Variants in LINC00632 observed in about 807,000 individuals in gnomAD.
The protein encoded by LINC00632 is long independently transcribed non-coding RNA 632.
At chrX:140,775,396 T>C (rs1328931915) in exon 5 of LINC00632, among the ~76,000 whole-genome samples, 1 of 112,469 alleles carries the variant, frequency 8.9e-6, no homozygotes, top group African/African-American at 3.2e-5. Flanking sequence ...AAGCCAGAGA[T>C]ACGACGCTGT....
chrX:140,765,128 C>T (rs772082512), intron 3 of LINC00632, among the ~76,000 whole-genome samples: 30 of 112,002 alleles, frequency 2.7e-4, no homozygotes, highest in Non-Finnish European at 5.5e-4. Context: ...AACGACTTAG[C>T]CTCACTTGCC....
intron 3 of LINC00632, among the ~76,000 whole-genome samples, chrX:140,756,493 A>G (rs952208604): frequency 4.5e-5 from 5 of 111,476 alleles, no homozygotes; most frequent in African/African-American, 1.6e-4. Context: ...TAGAAGCTCT[A>G]TGGAATAGGG....
chrX:140,713,604 A>G (rs1242855532), intron 2 of LINC00632: 1 of 342,829 alleles, frequency 2.9e-6, no homozygotes, highest in South Asian at 2.6e-5. Context: ...GATAACACAA[A>G]CACATTTACC....
chrX:140,748,285 A>G (rs1203964435), intron 3 of LINC00632, among the ~76,000 whole-genome samples: 1 of 112,513 alleles, frequency 8.9e-6, no homozygotes, highest in East Asian at 2.8e-4. Flanking sequence ...TTTTGTTTTA[A>G]TGAAAGTTTG....
At chrX:140,766,524 C>G (rs1482403420) in intron 3 of LINC00632, among the ~76,000 whole-genome samples, 1 of 111,527 alleles carries the variant, frequency 9.0e-6, no homozygotes, top group Non-Finnish European at 1.9e-5. Flanking sequence ...GGCTTTTGCT[C>G]ATAGGGATGA....
At chrX:140,771,762 C>G (rs1236813210) in intron 3 of LINC00632, among the ~76,000 whole-genome samples, 12 of 101,866 alleles carry the variant, frequency 1.2e-4, no homozygotes, top group Admixed American at 5.4e-4. Flanking sequence ...TCACTGCAAC[C>G]TCTGCCCCCT....
At chrX:140,780,845 C>T (rs1260407467) in exon 5 of LINC00632, among the ~76,000 whole-genome samples, 13 of 111,069 alleles carry the variant, frequency 1.2e-4, no homozygotes, top group Non-Finnish European at 2.3e-4. Context: ...AACGTCACTG[C>T]CTTAATTCTA....
intron 3 of LINC00632, among the ~76,000 whole-genome samples, chrX:140,734,250 C>T (rs1398059653): frequency 1.8e-5 from 2 of 111,890 alleles, no homozygotes; most frequent in Admixed American, 1.9e-4. Context: ...GGAAAATGGT[C>T]TACTCCATCA....
chrX:140,744,331 A>G (rs1335452900), intron 3 of LINC00632, among the ~76,000 whole-genome samples: 1 of 110,296 alleles, frequency 9.1e-6, no homozygotes, highest in Non-Finnish European at 1.9e-5. Context: ...GAGCTTGAGC[A>G]TTACTTCTAA....
chrX:140,710,475 T>C (rs989320665), intron 1 of LINC00632, among the ~76,000 whole-genome samples: 1 of 111,116 alleles, frequency 9.0e-6, no homozygotes, highest in African/African-American at 3.3e-5. Flanking sequence ...AATTAATTTG[T>C]ATTTTTGGAC....
exon 5 of LINC00632, among the ~76,000 whole-genome samples, chrX:140,788,157 A>G (rs1321803236): frequency 9.1e-6 from 1 of 110,302 alleles, no homozygotes; most frequent in Non-Finnish European, 1.9e-5. Flanking sequence ...AAAAAATTGA[A>G]GATGATGGTC....
chrX:140,788,869 CCATATATATACA>C (rs1468414882), exon 5 of LINC00632, among the ~76,000 whole-genome samples: 4 of 75,614 alleles, frequency 5.3e-5, no homozygotes, highest in Non-Finnish European at 8.5e-5. Context: ...TATGCATATT[CCATATATATACA>C]CATATATACA....
chrX:140,769,461 G>A (rs183936546), intron 3 of LINC00632, among the ~76,000 whole-genome samples: 4 of 109,544 alleles, frequency 3.7e-5, no homozygotes, highest in Admixed American at 2.0e-4. Context: ...AATAAAATTC[G>A]GTTTTTTCTC....
At chrX:140,721,813 A>G (rs1930733302) in intron 2 of LINC00632, among the ~76,000 whole-genome samples, 1 of 111,343 alleles carries the variant, frequency 9.0e-6, no homozygotes, top group Non-Finnish European at 1.9e-5. Flanking sequence ...AAAACACATA[A>G]ATAACAGACA....
intron 2 of LINC00632, among the ~76,000 whole-genome samples, chrX:140,721,845 G>A (rs984767127): frequency 8.2e-5 from 9 of 110,397 alleles, no homozygotes; most frequent in African/African-American, 2.0e-4. Flanking sequence ...ACTTACACTC[G>A]CCTCATAGCA....
chrX:140,747,836 T>C lies in LINC00632; in HGVS notation n.191+13872T>C, dbSNP rs148518532. On this transcript the variant is annotated intron_variant and non_coding_transcript_variant, in intron 3 of 4. Coordinates refer to ENST00000648200, the Ensembl canonical transcript of LINC00632. ...CTCTTCTCTCCTCTTTGTCCAACAG[T>C]TTTTTTCTGAGACAGAGTTTCACTC... 5.4e-5 allele frequency among the ~76,000 whole-genome samples: 6 copies of C among 111,435 alleles called. No homozygotes were observed. In the East Asian group the frequency reaches 1.7e-3, roughly 32 times the overall value.
chrX:140,768,398 A>G (rs968412952), intron 3 of LINC00632, among the ~76,000 whole-genome samples: 1 of 108,631 alleles, frequency 9.2e-6, no homozygotes, highest in Admixed American at 1.0e-4. Context: ...ATTTGACTGT[A>G]ACAAAAGGGT....
At chrX:140,731,284 A>G (rs774566479) in intron 2 of LINC00632, among the ~76,000 whole-genome samples, 63 of 112,040 alleles carry the variant, frequency 5.6e-4, no homozygotes, top group African/African-American at 2.0e-3. Context: ...ATTAAATGAG[A>G]TAACTTCAGG....
At chrX:140,749,386 G>A (rs771974643) in intron 3 of LINC00632, among the ~76,000 whole-genome samples, 3 of 111,641 alleles carry the variant, frequency 2.7e-5, no homozygotes, top group Non-Finnish European at 3.8e-5. Flanking sequence ...TTTGTGATAC[G>A]TTTTATTTTC....
Sources: gnomAD v4.1 joint callset for allele counts (sites outside exome capture counted in the v4.1 genomes callset) on GRCh38, gnomAD v4.1.1 for gene constraint, MANE v1.5 for transcripts, NCBI Gene and HGNC (gene_info 2026-07-23, HGNC 2026-07-21) for gene names.